The following DENND2B variants were observed in gnomAD, a reference collection of about 807,000 sequenced individuals.
DENND2B encodes DENN domain containing 2B.
DENND2B carries 32 observed loss-of-function variants against 116.0 expected under a neutral mutation model. The ratio of observed to expected loss-of-function variants is 0.28; its 90% CI spans 0.21 to 0.37. The LOEUF (loss-of-function observed/expected upper bound fraction) is 0.37. DENND2B is among the 10% of genes least tolerant of loss of function. DENND2B has a pLI of 1.00. For missense variants in DENND2B, 1,276 were observed against 1,477.7 expected (o/e 0.86, Z 2.24); for synonymous variants, 588 against 583.9 (o/e 1.01, Z -0.10).
In DENND2B at chr11:8,802,326, C is replaced by T. The variant is rs983078948; in HGVS notation, c.-26+8191G>A. ...AAAAAAAAAAAGGAACTAAACACTA[C>T]TTGGTTTACAAGAGAATAATAAACA... On this transcript the variant is annotated intron_variant, in intron 1 of 19. Coordinates refer to ENST00000313726, the MANE Select transcript of DENND2B (RefSeq NM_213618.2). Among the ~76,000 whole-genome samples the T allele has an allele frequency of 7.3e-5, 11 of 150,518 alleles. No homozygotes were observed. The South Asian group carries it at 2.1e-3, about 29-fold the overall frequency.
chr11:8,732,350 A>G (rs1306107150), intron 2 of DENND2B, among the ~76,000 whole-genome samples: 1 of 152,242 alleles, frequency 6.6e-6, no homozygotes, highest in Non-Finnish European at 1.5e-5. Context: ...AAGGCACAGA[A>G]AGGTTTAATA....
Position 8,782,277 on chromosome 11 carries a change from T to A in DENND2B, c.-26+28240A>T, listed in dbSNP as rs538541696. On this transcript the variant is annotated intron_variant, in intron 1 of 19. Coordinates refer to ENST00000313726, the MANE Select transcript of DENND2B (RefSeq NM_213618.2). ...GTTTGCCTGCAAGAATAGTATCATG[T>A]GTATAACATTTTAAAACACAATACT... Among the ~76,000 whole-genome samples the A allele has an allele frequency of 8.9e-4, 136 of 152,364 alleles. 1 individual carries two copies. Among genetic ancestry groups the A allele is most frequent in the African/African-American group, 3.0e-3 (125 of 41,582 alleles).
At chr11:8,752,178 C>T (rs1307363458) in intron 1 of DENND2B, among the ~76,000 whole-genome samples, 4 of 152,152 alleles carry the variant, frequency 2.6e-5, no homozygotes, top group African/African-American at 9.7e-5. Flanking sequence ...TTGAGCCGGG[C>T]GTGGTGGCTC....
chr11:8,836,191 C>CAAAAAAAAAAAA (rs56816794), intron 4 of DENND2B, among the ~76,000 whole-genome samples: 1 of 133,052 alleles, frequency 7.5e-6, no homozygotes, highest in Non-Finnish European at 1.6e-5. Context: ...ACTAAAAATA[C>CAAAAAAAAAAAA]AAAAAAAAAA....
Position 8,707,348 on chromosome 11 carries a change from G to A in DENND2B, c.2431-123C>T, listed in dbSNP as rs1017220826. The A allele has an allele frequency of 7.5e-7, 1 of 1,328,008 alleles. No individual in the cohort carries two copies. The highest frequency in any genetic ancestry group is 1.5e-5 in the African/African-American group (1 of 67,794). 82.3% of individuals were successfully genotyped at this position (1,328,008 alleles called of 1,614,324 possible). ...AGCCCAGAAGCTGGGAGACGGGAAG[G>A]TGGTCTTGCCATGATCTGCACACTC... On this transcript the variant is annotated intron_variant, in intron 12 of 19. Transcript: ENST00000313726. The surrounding 1 kb of genome is among the most constrained non-coding windows in gnomAD (Gnocchi z 4.8).
chr11:8,693,921 A>T lies in DENND2B; in HGVS notation c.*175T>A. ...ACAAAAAACAGTTAAGAAAGCTTACAGCAGATTATTTACAAACAGTATCCT... is the reference window on the plus strand; with the variant it reads ...ACAAAAAACAGTTAAGAAAGCTTACTGCAGATTATTTACAAACAGTATCCT... On this transcript the variant is annotated 3_prime_UTR_variant, in exon 20 of 20. Transcript: ENST00000313726. 1 of 595,386 alleles carries T rather than the reference A, an allele frequency of 1.7e-6. No homozygotes were observed. The highest frequency in any genetic ancestry group is 2.9e-6 in the Non-Finnish European group (1 of 341,706). 36.9% of individuals were successfully genotyped at this position (595,386 alleles called of 1,614,324 possible).
At chr11:8,814,371 C>T (rs1255623492), upstream of DENND2B, among the ~76,000 whole-genome samples, 3 of 150,516 alleles carry the variant, frequency 2.0e-5, no homozygotes, top group African/African-American at 7.3e-5. Context: ...TTACCAGGAC[C>T]TACAAGGCCC....
chr11:8,800,653 A>T (rs1472362539), intron 1 of DENND2B, among the ~76,000 whole-genome samples: 1 of 152,148 alleles, frequency 6.6e-6, no homozygotes, highest in Non-Finnish European at 1.5e-5. Flanking sequence ...CAGGCCCATA[A>T]ATTGGCACTG....
intron 1 of DENND2B, among the ~76,000 whole-genome samples, chr11:8,760,060 C>G (rs1177687309): frequency 6.6e-6 from 1 of 152,202 alleles, no homozygotes; most frequent in Non-Finnish European, 1.5e-5. Context: ...CCCCTGCTTC[C>G]TAGAAAGAGC....
chr11:8,823,903 CTT>C (rs71059183), intron 4 of DENND2B, among the ~76,000 whole-genome samples: 111 of 123,036 alleles, frequency 9.0e-4, no homozygotes, highest in Admixed American at 1.4e-3. Context: ...TCTTCTTCTT[CTT>C]TTTTTTTTTT....
intron 1 of DENND2B, among the ~76,000 whole-genome samples, chr11:8,799,435 A>G (rs10743090): frequency 0.22 from 34,215 of 152,114 alleles, 4,090 homozygotes; most frequent in South Asian, 0.33. Flanking sequence ...AAAAGCCTCA[A>G]TTCTCAGAAC....
chr11:8,730,405 C>T lies in DENND2B; in HGVS notation c.885G>A (p.Gln295=), dbSNP rs1425903064. The part of the protein sequence containing the change: ...IQKIEQVLKE[Q]PGRGLPQLPS... ...GGAGCTGGGGGAGCCCCCGGCCCGGCTGCTCCTTCAGGACCTGTTCAATTT... is the reference window on the plus strand; with the variant it reads ...GGAGCTGGGGGAGCCCCCGGCCCGGTTGCTCCTTCAGGACCTGTTCAATTT... Residue 295 remains glutamine, a synonymous_variant, in exon 3 of 20, where the codon CAG becomes CAA. Transcript: ENST00000313726. The surrounding 1 kb of genome is among the most constrained non-coding windows in gnomAD (Gnocchi z 4.1). 3.1e-6 allele frequency: 5 copies of T among 1,606,812 alleles called. No individual in the cohort carries two copies. Among genetic ancestry groups the T allele is most frequent in the Non-Finnish European group, 3.4e-6 (4 of 1,179,998 alleles).
chr11:8,760,934 G>T (rs908480487), intron 1 of DENND2B, among the ~76,000 whole-genome samples: 3 of 152,022 alleles, frequency 2.0e-5, no homozygotes, highest in Non-Finnish European at 4.4e-5. Flanking sequence ...TTTTTTTGTT[G>T]TTGCATAATA....
At chr11:8,706,424 C>A (rs1212251409) in intron 13 of DENND2B, among the ~76,000 whole-genome samples, 6 of 150,922 alleles carry the variant, frequency 4.0e-5, no homozygotes, top group African/African-American at 1.5e-4. Flanking sequence ...AGCATTTGCA[C>A]TTGCCCAACT....
At chr11:8,892,408 G>A (rs1432948919) in intron 1 of DENND2B, among the ~76,000 whole-genome samples, 1 of 152,154 alleles carries the variant, frequency 6.6e-6, no homozygotes, top group Admixed American at 6.5e-5. Flanking sequence ...GAGCAGAACT[G>A]AAGGCGACAG....
intron 2 of DENND2B, among the ~76,000 whole-genome samples, chr11:8,743,889 G>A (rs1267863941): frequency 1.3e-5 from 2 of 151,816 alleles, no homozygotes; most frequent in Non-Finnish European, 2.9e-5. Context: ...TGGGACTACA[G>A]GTATGCACTA....
At position 8,726,257 on chromosome 11, in the gene DENND2B, C is replaced by T. The variant is rs370509404; in HGVS notation, c.1341-48G>A. The stretch of plus-strand genomic sequence containing the variant: ...TCATTCCTGCTGAATCAGATCTCTG[C>T]TGCCTTGCTGGGGAATGTCCATGGC... On this transcript the variant is annotated intron_variant, in intron 3 of 19. Coordinates refer to ENST00000313726, the MANE Select transcript of DENND2B (RefSeq NM_213618.2). 4 of 1,561,734 alleles carry T rather than the reference C, an allele frequency of 2.6e-6. No homozygotes were observed. The African/African-American group carries it at 5.5e-5, about 21-fold the overall frequency.
intron 4 of DENND2B, among the ~76,000 whole-genome samples, chr11:8,723,656 A>G (rs77558048): frequency 0.022 from 3,400 of 152,218 alleles, 73 homozygotes; most frequent in South Asian, 0.072. Context: ...CAGTTGGGGC[A>G]TCTTCCTTAA....
intron 14 of DENND2B, among the ~76,000 whole-genome samples, chr11:8,701,338 A>G (rs2041571717): frequency 7.9e-5 from 2 of 25,346 alleles, no homozygotes; most frequent in African/African-American, 1.7e-4. Flanking sequence ...TGGGAAGGCC[A>G]GCTTCCGGGG....
Sources: allele counts gnomAD v4.1 joint callset (sites outside exome capture counted in the v4.1 genomes callset), GRCh38; gene constraint gnomAD v4.1.1; non-coding constraint Gnocchi (gnomAD v3.1); transcripts MANE v1.5; gene names NCBI Gene and HGNC (gene_info 2026-07-23, HGNC 2026-07-21).